The following MGAT5B variants were observed in gnomAD, a reference collection of about 807,000 sequenced individuals.
MGAT5B encodes alpha-1,6-mannosylglycoprotein 6-beta-N-acetylglucosaminyltransferase B.
MGAT5B carries 54 observed loss-of-function variants against 95.1 expected under a neutral mutation model. The observed-to-expected ratio is 0.57, with a 90% CI of 0.46 to 0.71. The LOEUF is 0.71. MGAT5B is among the 30% of genes least tolerant of loss of function. The pLI is 0.00. For synonymous variants in MGAT5B, 464 were observed against 451.0 expected (o/e 1.03, Z -0.36); for missense variants, 935 against 1,088.6 (o/e 0.86, Z 1.99).
intron 8 of MGAT5B, among the ~76,000 whole-genome samples, chr17:76,921,981 G>T (rs113461707): frequency 1.3e-5 from 2 of 152,176 alleles, no homozygotes; most frequent in Admixed American, 1.3e-4. Context: ...TGTCCAAAAC[G>T]TTAGCCTTGA....
At chr17:76,897,660 A>ACTTTCTCTCTTTCTTT (rs1754571581) in intron 3 of MGAT5B, among the ~76,000 whole-genome samples, 1 of 69,386 alleles carries the variant, frequency 1.4e-5, no homozygotes, top group African/African-American at 8.4e-5. Context: ...AAGTAAGGCC[A>ACTTTCTCTCTTTCTTT]CTTTCTTTCT....
chr17:76,947,535 C>G (rs1970069545), intron 16 of MGAT5B, among the ~76,000 whole-genome samples: 1 of 152,190 alleles, frequency 6.6e-6, no homozygotes, highest in East Asian at 1.9e-4. Flanking sequence ...AGCATCGAGG[C>G]AGCTCCAGGG....
chr17:76,897,962 A>T (rs1342983022), intron 3 of MGAT5B, among the ~76,000 whole-genome samples: 1 of 151,782 alleles, frequency 6.6e-6, no homozygotes, highest in Non-Finnish European at 1.5e-5. Flanking sequence ...AGGCTGAGGT[A>T]GGAGAATCAC....
Position 76,916,478 on chromosome 17 carries a change from G to A in MGAT5B, c.1026-8488G>A, listed in dbSNP as rs1968943507. ...AGATCCATGCACCCCAGGTGGAGTG[G>A]GGAGAACTTGGGGAGATCAGATAAG... On this transcript the variant is annotated intron_variant, in intron 8 of 17. Transcript: ENST00000569840. This position sits in a 1 kb window ranked among gnomAD's most constrained non-coding sequence, Gnocchi z 5.3. Among the ~76,000 whole-genome samples the A allele has an allele frequency of 6.6e-6, 1 of 152,182 alleles. No homozygotes were observed. The highest frequency in any genetic ancestry group is 1.5e-5 in the Non-Finnish European group (1 of 68,036).
intron 3 of MGAT5B, among the ~76,000 whole-genome samples, chr17:76,890,318 G>T (rs1251345840): frequency 6.6e-6 from 1 of 152,240 alleles, no homozygotes; most frequent in African/African-American, 2.4e-5. Flanking sequence ...CATCCAGAAG[G>T]GGGTGAGACC....
chr17:76,919,887 T>C (rs796750149), intron 8 of MGAT5B, among the ~76,000 whole-genome samples: 14 of 152,346 alleles, frequency 9.2e-5, no homozygotes, highest in African/African-American at 3.4e-4. Flanking sequence ...TGAAACTCCA[T>C]ACCCATTAAA....
In MGAT5B at chr17:76,940,929, C is replaced by G; in HGVS notation, c.1848+81C>G. 2.4e-6 allele frequency: 3 copies of G among 1,244,596 alleles called. No homozygotes were observed. The highest frequency in any genetic ancestry group is 2.4e-5 in the East Asian group (1 of 41,392). 77.1% of individuals were successfully genotyped at this position (1,244,596 alleles called of 1,614,324 possible). On this transcript the variant is annotated intron_variant, in intron 15 of 17. Transcript: ENST00000569840. This position sits in a 1 kb window ranked among gnomAD's most constrained non-coding sequence, Gnocchi z 4.3. ...ACTCTGATTAGAAAACGGTGCCCCC[C>G]TCTGGGTGAGTTCAGACTTGCAGGC...
chr17:76,914,947 C>A lies in MGAT5B; in HGVS notation c.1025+8760C>A, dbSNP rs968140372. On this transcript the variant is annotated intron_variant, in intron 8 of 17. Coordinates refer to ENST00000569840, the MANE Select transcript of MGAT5B (RefSeq NM_001199172.2). This position sits in a 1 kb window ranked among gnomAD's most constrained non-coding sequence, Gnocchi z 5.1. The stretch of plus-strand genomic sequence containing the variant: ...GCCACTGCCCCCGGCCACGTTTCTT[C>A]TTTTTATAAGGACACCAGTCAACTT... Among the ~76,000 whole-genome samples the A allele has an allele frequency of 6.6e-6, 1 of 152,180 alleles. No individual in the cohort carries two copies. Among genetic ancestry groups the A allele is most frequent in the African/African-American group, 2.4e-5 (1 of 41,458 alleles).
At chr17:76,927,535 C>T (rs1040709245) in intron 10 of MGAT5B, among the ~76,000 whole-genome samples, 1 of 152,130 alleles carries the variant, frequency 6.6e-6, no homozygotes, top group African/African-American at 2.4e-5. Flanking sequence ...CCACCGTGCC[C>T]GGGTTTCAGC....
intron 3 of MGAT5B, among the ~76,000 whole-genome samples, chr17:76,900,999 G>A (rs1968296368): frequency 6.6e-6 from 1 of 150,658 alleles, no homozygotes; most frequent in Non-Finnish European, 1.5e-5. Flanking sequence ...GTGTACATGG[G>A]GGGCTTGTTC....
At position 76,917,836 on chromosome 17, in the gene MGAT5B, C is replaced by T. The variant is rs557642539; in HGVS notation, c.1026-7130C>T. Among the ~76,000 whole-genome samples the T allele has an allele frequency of 2.0e-5, 3 of 152,186 alleles. No homozygotes were observed. Among genetic ancestry groups the T allele is most frequent in the South Asian group, 2.1e-4 (1 of 4,834 alleles). On this transcript the variant is annotated intron_variant, in intron 8 of 17. Transcript: ENST00000569840. The surrounding 1 kb of genome is among the most constrained non-coding windows in gnomAD (Gnocchi z 6.1). Reference sequence around the variant, plus strand: ...AGCCCGGAGCAAATAGAGGGACCCTCGGGGTGGCCTGAGCACCAGGAGCTA... The same window carrying T: ...AGCCCGGAGCAAATAGAGGGACCCTTGGGGTGGCCTGAGCACCAGGAGCTA...
At position 76,938,015 on chromosome 17, in the gene MGAT5B, A is replaced by C. The variant is rs1461169802; in HGVS notation, c.1456A>C (p.Asn486His). ...QGKEKFLGIL[N>H]KYMEIHGTVY... ...GAAGGAGAAGTTCCTGGGCATCCTGAACAAATACATGGAGATCCATGGCAC... is the reference window on the plus strand; with the variant it reads ...GAAGGAGAAGTTCCTGGGCATCCTGCACAAATACATGGAGATCCATGGCAC... The change falls in exon 13 of 18, where the codon AAC becomes CAC. Residue 486 changes from asparagine (N) to histidine (H), a missense_variant. This residue lies in a region of MGAT5B where 440 missense variants were observed against 523.6 expected (regional missense o/e 0.84). Transcript: ENST00000569840. This position sits in a 1 kb window ranked among gnomAD's most constrained non-coding sequence, Gnocchi z 4.3. 6.2e-7 allele frequency: 1 copy of C among 1,614,140 alleles called. No homozygotes were observed.
At chr17:76,942,560 C>T (rs1386261874) in intron 15 of MGAT5B, among the ~76,000 whole-genome samples, 2 of 152,162 alleles carry the variant, frequency 1.3e-5, no homozygotes, top group African/African-American at 2.4e-5. Flanking sequence ...AGGAACTTGG[C>T]CCCTTGGCCA....
chr17:76,949,011 A>G lies in MGAT5B; in HGVS notation c.*173A>G. On this transcript the variant is annotated 3_prime_UTR_variant, in exon 18 of 18. Transcript: ENST00000569840. ...GAGAGCCGTGCCCGGGAATAGGAGG[A>G]GGCAGCATGCCGAGCCCCTGGGACC... 1 of 775,058 alleles carries G rather than the reference A, an allele frequency of 1.3e-6. No homozygotes were observed. The allele number at this position is 775,058 out of a possible 1,614,324, so 48.0% of individuals were successfully genotyped here.
chr17:76,900,753 G>A (rs1968274135), intron 3 of MGAT5B, among the ~76,000 whole-genome samples: 1 of 152,240 alleles, frequency 6.6e-6, no homozygotes, highest in Non-Finnish European at 1.5e-5. Context: ...GTCACCCCAG[G>A]AAACTAACAC....
rs558456347 is a variant in MGAT5B, at chr17:76,878,971, A to G, written c.182-3180A>G. ...CCTGCTCACCTGTCTGGTCCGCAGC[A>G]GAGCGGGCCTGGAGTCCAGGCTTCT... On this transcript the variant is annotated intron_variant, in intron 2 of 17. Transcript: ENST00000569840. Among the ~76,000 whole-genome samples the G allele has an allele frequency of 1.6e-3, 248 of 151,290 alleles. 5 individuals are homozygous for G. In the South Asian group the frequency reaches 0.026, roughly 16 times the overall value.
chr17:76,933,839 G>C (rs546186755), intron 12 of MGAT5B, among the ~76,000 whole-genome samples: 152 of 152,222 alleles, frequency 1.0e-3, no homozygotes, highest in African/African-American at 3.6e-3. Flanking sequence ...GCGTTCCCCG[G>C]GGTCTTCTTA....
chr17:76,875,412 TGAA>T (rs1405359867), intron 2 of MGAT5B, among the ~76,000 whole-genome samples: 1 of 152,138 alleles, frequency 6.6e-6, no homozygotes, highest in Non-Finnish European at 1.5e-5. Context: ...TGCTGCCATG[TGAA>T]GAAGGACATG....
intron 4 of MGAT5B, 75 bp from the exon 5 acceptor site, chr17:76,903,228 C>A: frequency 3.5e-6 from 4 of 1,149,472 alleles, no homozygotes; most frequent in Non-Finnish European, 5.0e-6. Flanking sequence ...TGGGAAGCTG[C>A]CTCCCGCACG....
Sources: allele counts gnomAD v4.1 joint callset (sites outside exome capture counted in the v4.1 genomes callset), GRCh38; gene constraint gnomAD v4.1.1; regional missense constraint gnomAD v4.1.1; non-coding constraint Gnocchi (gnomAD v3.1); transcripts MANE v1.5; gene names NCBI Gene and HGNC (gene_info 2026-07-23, HGNC 2026-07-21).